Variants in THBS4 observed in about 807,000 individuals in gnomAD.
The protein encoded by THBS4 is thrombospondin 4, also known as thrombospondin-4.
In THBS4, 90 loss-of-function variants were observed where a neutral mutation model predicts 115.7. That is an observed-to-expected ratio of 0.78 (90% CI 0.66 to 0.93). The LOEUF (loss-of-function observed/expected upper bound fraction) is 0.93, where lower values mean the gene tolerates loss of function less well. Ranked by LOEUF, THBS4 falls within the 40% of genes least tolerant of loss-of-function variation. THBS4 has a pLI of 0.00. For synonymous variants in THBS4, 460 were observed against 479.3 expected, an observed-to-expected ratio of 0.96 and a Z score of 0.53; for missense variants, 1,087 against 1,232.7, an observed-to-expected ratio of 0.88 and a Z score of 1.77.
At chr5:80,004,738 A>G (rs1328635859) in intron 2 of THBS4, among the ~76,000 whole-genome samples, 2 of 152,074 alleles carry the variant, frequency 1.3e-5, no homozygotes, top group East Asian at 1.9e-4. Flanking sequence ...TTTATTTTTT[A>G]TTTTTATTTT....
At chr5:80,083,020 G>T in intron 21 of THBS4, 60 bp from the exon 22 acceptor site, 1 of 1,495,646 alleles carries the variant, frequency 6.7e-7, no homozygotes. Context: ...CGCGGGCGGG[G>T]GTCCGGGGTC....
intron 2 of THBS4, among the ~76,000 whole-genome samples, chr5:80,018,647 G>A (rs941232312): frequency 1.3e-5 from 2 of 151,876 alleles, no homozygotes; most frequent in Non-Finnish European, 2.9e-5. Context: ...TGCCCACCTC[G>A]GCCTTCCAAA....
intron 2 of THBS4, among the ~76,000 whole-genome samples, chr5:80,040,716 A>G (rs570955660): frequency 6.6e-6 from 1 of 152,338 alleles, no homozygotes; most frequent in South Asian, 2.1e-4. Flanking sequence ...ATCTCAGTCC[A>G]TTTTGTGTTG....
rs542546538 is a variant in THBS4 at position 80,021,296 on chromosome 5, A to T, written n.178-18781A>T. On this transcript the variant is annotated intron_variant and non_coding_transcript_variant, in intron 2 of 3. Transcript: ENST00000510218. Reference sequence around the variant, plus strand: ...AGCAGTGCATCAAATGAAGAAGCAGACTTGAGAATCCAACTGTCTTCCATT... The same window carrying T: ...AGCAGTGCATCAAATGAAGAAGCAGTCTTGAGAATCCAACTGTCTTCCATT... Among the ~76,000 whole-genome samples, 53 of 152,320 alleles carry T rather than the reference A, an allele frequency of 3.5e-4. 1 individual carries two copies. The South Asian group carries it at 0.011, about 31-fold the overall frequency.
At chr5:80,010,979 T>C (rs1316932529) in intron 2 of THBS4, among the ~76,000 whole-genome samples, 1 of 152,230 alleles carries the variant, frequency 6.6e-6, no homozygotes, top group Non-Finnish European at 1.5e-5. Context: ...AGCATTGATA[T>C]GGTTTGGCTG....
intron 2 of THBS4, among the ~76,000 whole-genome samples, chr5:80,020,480 CAAAA>C (rs1832348748): frequency 6.6e-6 from 1 of 151,916 alleles, no homozygotes; most frequent in African/African-American, 2.4e-5. Flanking sequence ...TCTCAAAAAA[CAAAA>C]AACAAACAAA....
In THBS4 at chr5:80,078,146, C is replaced by A. The variant is rs756411864; in HGVS notation, c.2184C>A (p.Thr728=). 6 of 1,612,238 alleles carry A rather than the reference C, an allele frequency of 3.7e-6. No individual in the cohort carries two copies. Among genetic ancestry groups the A allele is most frequent in the African/African-American group, 1.3e-5 (1 of 74,916 alleles). Residue 728 remains threonine, a synonymous_variant, in exon 17 of 22, where the codon ACC becomes ACA. Coordinates refer to ENST00000350881, the MANE Select transcript of THBS4 (RefSeq NM_003248.6). ...VCPENAEVTL[T]DFRAYQTVVL... ...CAGAGAACGCAGAGGTCACCCTGACCGACTTCAGGGCTTACCAGACCGTGG... is the reference window on the plus strand; with the variant it reads ...CAGAGAACGCAGAGGTCACCCTGACAGACTTCAGGGCTTACCAGACCGTGG...
At chr5:80,052,190 A>G (rs1833278017) in intron 2 of THBS4, among the ~76,000 whole-genome samples, 1 of 152,204 alleles carries the variant, frequency 6.6e-6, no homozygotes, top group South Asian at 2.1e-4. Context: ...GTTTGGACTC[A>G]ATTTCTCCCT....
At chr5:80,002,786 A>G (rs929777588) in intron 2 of THBS4, among the ~76,000 whole-genome samples, 4 of 151,796 alleles carry the variant, frequency 2.6e-5, no homozygotes, top group Non-Finnish European at 4.4e-5. Context: ...ACAAAATAAA[A>G]GAGTCTAAAA....
chr5:80,040,352 TTTG>T (rs1832859433), intron 2 of THBS4, 72 bp downstream of exon 2: 20 of 1,218,856 alleles, frequency 1.6e-5, no homozygotes, highest in Non-Finnish European at 2.2e-5. Flanking sequence ...GTATACTGTC[TTTG>T]AGATGGTTTC....
At chr5:80,060,313 A>T (rs1833588740) in intron 7 of THBS4, among the ~76,000 whole-genome samples, 1 of 152,210 alleles carries the variant, frequency 6.6e-6, no homozygotes, top group South Asian at 2.1e-4. Context: ...TTCCTAAAAT[A>T]AAGGAGCAGA....
chr5:80,068,971 G>A (rs1268764836), intron 10 of THBS4, among the ~76,000 whole-genome samples: 1 of 152,178 alleles, frequency 6.6e-6, no homozygotes, highest in Non-Finnish European at 1.5e-5. Context: ...CCAAGTCCAA[G>A]GATCCAGAGT....
At chr5:80,027,771 A>T (rs1832506672) in intron 2 of THBS4, among the ~76,000 whole-genome samples, 1 of 151,656 alleles carries the variant, frequency 6.6e-6, no homozygotes, top group Admixed American at 6.6e-5. Context: ...TGTAGTGGAC[A>T]CATGTAATCC....
intron 2 of THBS4, among the ~76,000 whole-genome samples, chr5:80,047,536 C>T (rs977644153): frequency 2.0e-5 from 3 of 151,916 alleles, no homozygotes; most frequent in Admixed American, 6.6e-5. Flanking sequence ...GGCTAGGTGC[C>T]GTGGCTCATG....
At chr5:80,036,245 A>C in intron 1 of THBS4, 1 of 969,554 alleles carries the variant, frequency 1.0e-6, no homozygotes, top group Non-Finnish European at 1.2e-6. Flanking sequence ...AGATGGATGC[A>C]GCTGGAGGCC....
At chr5:80,046,981 G>T (rs1204492240) in intron 2 of THBS4, among the ~76,000 whole-genome samples, 17 of 152,188 alleles carry the variant, frequency 1.1e-4, no homozygotes, top group Non-Finnish European at 1.5e-5. Flanking sequence ...AATTTAACAA[G>T]AATAAATGTA....
In THBS4 at chr5:80,078,944, G is replaced by T; in HGVS notation, c.2289G>T (p.Met763Ile). 4 of 1,614,124 alleles carry T rather than the reference G, an allele frequency of 2.5e-6. No individual in the cohort carries two copies. Among genetic ancestry groups the T allele is most frequent in the Non-Finnish European group, 3.4e-6 (4 of 1,179,996 alleles). Residue 763 changes from methionine to isoleucine, a missense_variant, in exon 18 of 22, where the codon ATG becomes ATT. Met to Ile is a conservative substitution (Grantham distance 10). Around this residue, in one of 3 missense-constraint regions of THBS4, gnomAD observed 979 missense variants for 1,103.7 expected, o/e 0.89. Transcript: ENST00000350881. ...AGGGCATGGAGATTGTACAGACCATGAACAGTGATCCTGGCCTGGCAGTGG... is the reference window on the plus strand; with the variant it reads ...AGGGCATGGAGATTGTACAGACCATTAACAGTGATCCTGGCCTGGCAGTGG... Reference protein sequence around the residue: ...LNQGMEIVQTMNSDPGLAVGY... With the variant: ...LNQGMEIVQTINSDPGLAVGY...
intron 2 of THBS4, among the ~76,000 whole-genome samples, chr5:80,028,495 G>A (rs1278797844): frequency 6.6e-6 from 1 of 151,202 alleles, no homozygotes; most frequent in Non-Finnish European, 1.5e-5. Flanking sequence ...GTCTTGATAT[G>A]TCGCCCAGGA....
At chr5:80,018,516 T>C (rs1163473057) in intron 2 of THBS4, among the ~76,000 whole-genome samples, 2 of 149,208 alleles carry the variant, frequency 1.3e-5, no homozygotes, top group Non-Finnish European at 3.0e-5. Context: ...TGCCTCAGCC[T>C]CCCTAGTAGC....
Sources: gnomAD v4.1 joint callset for allele counts (sites outside exome capture counted in the v4.1 genomes callset) on GRCh38, gnomAD v4.1.1 for gene constraint, gnomAD v4.1.1 regional missense constraint, MANE v1.5 for transcripts, NCBI Gene and HGNC (gene_info 2026-07-23, HGNC 2026-07-21) for gene names.